RNF141: variants seen among roughly 807,000 people sequenced by gnomAD.
RNF141 encodes the protein ring finger protein 141, also known as C3HC4-like zinc finger protein.
A neutral mutation model predicts 27.4 loss-of-function variants in RNF141; 18 were observed. The observed-to-expected ratio is 0.66, with a 90% CI of 0.45 to 0.97. RNF141 has a LOEUF of 0.97. RNF141 is among the 50% of genes least tolerant of loss of function. The probability of loss-of-function intolerance (pLI) is 0.00; values close to 1 mark genes in which losing one functional copy is unlikely to be tolerated. For synonymous variants in RNF141, 97 were observed against 96.6 expected, an observed-to-expected ratio of 1.00 and a Z score of -0.02; for missense variants, 230 against 279.4, an observed-to-expected ratio of 0.82 and a Z score of 1.26.
chr11:10,525,449 T>C, intron 3 of RNF141, 76 bp from the exon 4 acceptor site: 1 of 1,123,174 alleles, frequency 8.9e-7, no homozygotes, highest in Non-Finnish European at 1.3e-6. Context: ...GGGGAACAAA[T>C]ATTTAGTCAA....
chr11:10,525,555 G>T (rs931333987), intron 3 of RNF141, among the ~76,000 whole-genome samples, 182 bp from the exon 4 acceptor site: 10 of 152,056 alleles, frequency 6.6e-5, no homozygotes, highest in Non-Finnish European at 1.5e-4. Context: ...ACACTTGTGG[G>T]GTTCAAACTT....
chr11:10,516,643 G>A (rs1356693350), intron 5 of RNF141: 2 of 152,232 alleles, frequency 1.3e-5, no homozygotes, highest in African/African-American at 4.8e-5. Context: ...ACACTACCGA[G>A]GCTGAACAAT....
intron 2 of RNF141, 112 bp from the exon 3 acceptor site, chr11:10,530,863 C>A: frequency 1.9e-6 from 1 of 525,766 alleles, no homozygotes; most frequent in Non-Finnish European, 3.3e-6. Flanking sequence ...TATGAAGAAA[C>A]ACAAAAAGAC....
At chr11:10,525,163 G>A (rs1849921048) in intron 4 of RNF141, 29 bp downstream of exon 4, 12 of 1,448,444 alleles carry the variant, frequency 8.3e-6, no homozygotes, top group Non-Finnish European at 1.1e-5. Context: ...TAGAAAATAA[G>A]TGAAATACAA....
intron 3 of RNF141, 76 bp downstream of exon 3, chr11:10,530,567 T>C: frequency 1.4e-6 from 1 of 698,796 alleles, no homozygotes; most frequent in Non-Finnish European, 2.4e-6. Context: ...TGCATTATAT[T>C]ATCTTACAGT....
chr11:10,528,355 G>A (rs1849958398), intron 3 of RNF141, among the ~76,000 whole-genome samples: 1 of 152,130 alleles, frequency 6.6e-6, no homozygotes, highest in Non-Finnish European at 1.5e-5. Flanking sequence ...TTTCTTTAGA[G>A]TAGCTCTAAA....
At chr11:10,517,542 G>GA (rs1849852309) in intron 5 of RNF141, 1 of 151,512 alleles carries the variant, frequency 6.6e-6, no homozygotes, top group South Asian at 2.1e-4. Context: ...CAAGAAACAT[G>GA]AAAAAACTAC....
At chr11:10,540,145 C>G (rs1850082190) in intron 1 of RNF141, among the ~76,000 whole-genome samples, 1 of 151,850 alleles carries the variant, frequency 6.6e-6, no homozygotes, top group South Asian at 2.1e-4. Context: ...AGCTCATGCC[C>G]CCAGACAAAA....
intron 1 of RNF141, among the ~76,000 whole-genome samples, chr11:10,540,485 CCTT>C (rs948315243): frequency 1.1e-4 from 17 of 152,184 alleles, no homozygotes; most frequent in Non-Finnish European, 1.8e-4. Context: ...GTAATCACTA[CCTT>C]CTTATTATTA....
chr11:10,533,880 A>G (rs1049715903), intron 2 of RNF141, 136 bp downstream of exon 2: 4 of 725,002 alleles, frequency 5.5e-6, no homozygotes, highest in East Asian at 2.9e-5. Flanking sequence ...TAGATACTCA[A>G]TAAGTATTTG....
At chr11:10,517,696 G>T (rs760371233) in intron 5 of RNF141, 6 of 152,034 alleles carry the variant, frequency 3.9e-5, no homozygotes, top group Non-Finnish European at 5.9e-5. Flanking sequence ...AGATGAGTGT[G>T]AAGCAACATT....
Position 10,534,218 on chromosome 11 carries a change from C to G in RNF141, c.-47-13G>C. ...CTTCACATAGTTTCTGTCAAATATA[C>G]AGAAAAGTTACTTTTACATATTATA... is the stretch of plus-strand genomic sequence containing the variant. On this transcript the variant is annotated splice_polypyrimidine_tract_variant and intron_variant, in intron 1 of 5. Transcript: ENST00000265981. The G allele has an allele frequency of 1.3e-6, 2 of 1,557,890 alleles. No homozygotes were observed. The highest frequency in any genetic ancestry group is 1.8e-4 in the Middle Eastern group (1 of 5,668).
intron 2 of RNF141, among the ~76,000 whole-genome samples, chr11:10,533,303 A>C (rs1394212149): frequency 2.0e-5 from 3 of 152,148 alleles, no homozygotes; most frequent in Non-Finnish European, 4.4e-5. Context: ...ATAGATCAAT[A>C]CCAAAATTGA....
intron 5 of RNF141, chr11:10,517,485 T>C (rs1849851768): frequency 6.6e-6 from 1 of 152,056 alleles, no homozygotes; most frequent in Admixed American, 6.6e-5. Flanking sequence ...CCAAATTTGA[T>C]GACACCGTAA....
intron 3 of RNF141, among the ~76,000 whole-genome samples, chr11:10,527,265 TAC>T (rs1285485405): frequency 6.6e-6 from 1 of 152,074 alleles, no homozygotes; most frequent in Non-Finnish European, 1.5e-5. Flanking sequence ...GCAAATAAAA[TAC>T]AGATACAGAT....
intron 3 of RNF141, among the ~76,000 whole-genome samples, chr11:10,528,545 C>T (rs554473696): frequency 6.6e-6 from 1 of 152,160 alleles, no homozygotes; most frequent in Non-Finnish European, 1.5e-5. Context: ...TGTCAAAGAG[C>T]AACAAAAAAC....
At chr11:10,535,144 G>A (rs997565626) in intron 1 of RNF141, among the ~76,000 whole-genome samples, 4 of 150,772 alleles carry the variant, frequency 2.7e-5, no homozygotes, top group African/African-American at 7.3e-5. Flanking sequence ...CATAAAGCAG[G>A]TGAAACAGTA....
At chr11:10,532,242 TTA>T (rs1186662490) in intron 2 of RNF141, among the ~76,000 whole-genome samples, 1 of 152,190 alleles carries the variant, frequency 6.6e-6, no homozygotes, top group Non-Finnish European at 1.5e-5. Flanking sequence ...CATTCCACTC[TTA>T]TGTTACTAAA....
intron 4 of RNF141, among the ~76,000 whole-genome samples, chr11:10,520,583 A>G (rs1471065819): frequency 1.3e-5 from 2 of 152,226 alleles, no homozygotes; most frequent in Non-Finnish European, 2.9e-5. Context: ...ACTTTTTTTA[A>G]TAAGTAGAAG....
Sources: allele counts gnomAD v4.1 joint callset (sites outside exome capture counted in the v4.1 genomes callset), GRCh38; gene constraint gnomAD v4.1.1; transcripts MANE v1.5; gene names NCBI Gene and HGNC (gene_info 2026-07-23, HGNC 2026-07-21).